Variants in SLC4A4 observed in about 807,000 individuals in gnomAD.
SLC4A4 encodes electrogenic sodium bicarbonate cotransporter 1.
SLC4A4 carries 27 observed loss-of-function variants against 111.5 expected under a neutral mutation model. That is an observed-to-expected ratio of 0.24 (90% confidence interval 0.18 to 0.33). The LOEUF (loss-of-function observed/expected upper bound fraction) is 0.33. SLC4A4 is among the 10% of genes least tolerant of loss of function. The pLI is 1.00. For synonymous variants in SLC4A4, 443 were observed against 463.4 expected, an observed-to-expected ratio of 0.96 and a Z score of 0.57; for missense variants, 909 against 1,315.5, an observed-to-expected ratio of 0.69 and a Z score of 4.78.
intron 2 of SLC4A4, among the ~76,000 whole-genome samples, chr4:71,149,776 A>T (rs986422577): frequency 3.3e-5 from 5 of 152,140 alleles, no homozygotes; most frequent in Non-Finnish European, 7.3e-5. Context: ...ACTGTTTACT[A>T]ATGGCTTTTC....
chr4:71,122,724 G>A (rs1018557183), intron 2 of SLC4A4, among the ~76,000 whole-genome samples: 8 of 152,128 alleles, frequency 5.3e-5, no homozygotes, highest in Non-Finnish European at 1.2e-4. Context: ...CCACATGCTG[G>A]CCGTAGAGTT....
chr4:71,502,392 G>A (rs1731033073), intron 16 of SLC4A4, among the ~76,000 whole-genome samples: 1 of 151,930 alleles, frequency 6.6e-6, no homozygotes, highest in South Asian at 2.1e-4. Flanking sequence ...GTTTGTTTTT[G>A]TCTTTCTAGC....
At chr4:71,325,239 C>T (rs541014624) in intron 3 of SLC4A4, among the ~76,000 whole-genome samples, 1 of 151,020 alleles carries the variant, frequency 6.6e-6, no homozygotes, top group African/African-American at 2.4e-5. Context: ...AACTTGGATT[C>T]CATTAAAAAA....
intron 3 of SLC4A4, among the ~76,000 whole-genome samples, chr4:71,256,864 G>T (rs1721492518): frequency 6.6e-6 from 1 of 152,138 alleles, no homozygotes; most frequent in Admixed American, 6.5e-5. Context: ...GCATGTGATT[G>T]TCTACTCTCT....
chr4:71,350,596 C>T (rs566172069), intron 5 of SLC4A4, among the ~76,000 whole-genome samples: 1 of 152,234 alleles, frequency 6.6e-6, no homozygotes, highest in South Asian at 2.1e-4. Context: ...AACTAACAAG[C>T]TCTCCGAAAA....
chr4:71,144,262 T>A (rs1334849666), intron 2 of SLC4A4, among the ~76,000 whole-genome samples: 1 of 152,228 alleles, frequency 6.6e-6, no homozygotes, highest in Non-Finnish European at 1.5e-5. Flanking sequence ...GTTGTAGATA[T>A]GCGGCATTAT....
intron 1 of SLC4A4, among the ~76,000 whole-genome samples, chr4:71,206,879 A>G (rs111381711): frequency 0.014 from 2,080 of 152,032 alleles, 47 homozygotes; most frequent in African/African-American, 0.047. Flanking sequence ...CATTTCCTCT[A>G]CTATAATCAT....
chr4:71,566,814 G>A (rs1003415989), intron 24 of SLC4A4, among the ~76,000 whole-genome samples, 190 bp from the exon 25 acceptor site: 6 of 151,592 alleles, frequency 4.0e-5, no homozygotes, highest in African/African-American at 1.5e-4. Flanking sequence ...AAAACCTAAA[G>A]TAAAAGAGAT....
intron 3 of SLC4A4, among the ~76,000 whole-genome samples, chr4:71,310,823 C>T (rs577577784): frequency 1.3e-5 from 2 of 152,334 alleles, no homozygotes; most frequent in Non-Finnish European, 2.9e-5. Context: ...ATCAAATTCA[C>T]ACATAACAAT....
At chr4:71,499,038 G>A (rs1730669781) in intron 16 of SLC4A4, among the ~76,000 whole-genome samples, 1 of 151,964 alleles carries the variant, frequency 6.6e-6, no homozygotes, top group East Asian at 1.9e-4. Flanking sequence ...TGGGTTTTGT[G>A]TAGAACAGAT....
At position 71,131,182 on chromosome 4, in the gene SLC4A4, G is replaced by GT. The variant is rs558197303; in HGVS notation, c.-2+38393dup. 1.3e-3 allele frequency among the ~76,000 whole-genome samples: 194 copies of GT among 152,264 alleles called. 1 individual carries two copies. Among genetic ancestry groups the GT allele is most frequent in the African/African-American group, 4.5e-3 (189 of 41,560 alleles). On this transcript the variant is annotated intron_variant, in intron 2 of 26. Transcript: ENST00000649996. ...GGATCTGTCTGTCCATCTCATACTA[G>GT]TTTGGCATCTCTGTAGAAAGAAAAA...
At chr4:71,480,460 A>G (rs1728774648) in intron 14 of SLC4A4, among the ~76,000 whole-genome samples, 1 of 151,404 alleles carries the variant, frequency 6.6e-6, no homozygotes, top group Non-Finnish European at 1.5e-5. Context: ...CCTAGAAGCT[A>G]CTTCTCTCAG....
At chr4:71,129,006 A>G (rs1446254095) in intron 2 of SLC4A4, among the ~76,000 whole-genome samples, 1 of 152,200 alleles carries the variant, frequency 6.6e-6, no homozygotes, top group African/African-American at 2.4e-5. Flanking sequence ...AAAACTATAA[A>G]AACCGTGGAA....
intron 3 of SLC4A4, among the ~76,000 whole-genome samples, chr4:71,306,213 C>T (rs1177280521): frequency 5.3e-5 from 8 of 152,094 alleles, no homozygotes; most frequent in African/African-American, 1.4e-4. Context: ...GTTTCAGTTT[C>T]TGTCTTTGCT....
intron 7 of SLC4A4, among the ~76,000 whole-genome samples, chr4:71,417,039 A>G (rs1721889599): frequency 6.6e-6 from 1 of 152,174 alleles, no homozygotes; most frequent in Non-Finnish European, 1.5e-5. Flanking sequence ...GAGCACCGTT[A>G]GTGGAGCTAT....
intron 3 of SLC4A4, among the ~76,000 whole-genome samples, chr4:71,291,403 G>C (rs1724336597): frequency 6.6e-6 from 1 of 151,924 alleles, no homozygotes. Context: ...CATAACTGTG[G>C]CCATTAAAAT....
At chr4:71,521,703 G>A (rs994449417) in intron 16 of SLC4A4, among the ~76,000 whole-genome samples, 1 of 152,148 alleles carries the variant, frequency 6.6e-6, no homozygotes, top group African/African-American at 2.4e-5. Context: ...AGTGAGACTG[G>A]GGAGCCCATA....
At chr4:71,219,672 A>T (rs1718627892) in intron 1 of SLC4A4, among the ~76,000 whole-genome samples, 1 of 152,218 alleles carries the variant, frequency 6.6e-6, no homozygotes, top group Non-Finnish European at 1.5e-5. Flanking sequence ...CCTTCTGAAA[A>T]GGATTTACCA....
chr4:71,179,058 A>C (rs1282727749), intron 2 of SLC4A4, among the ~76,000 whole-genome samples: 1 of 152,246 alleles, frequency 6.6e-6, no homozygotes, highest in East Asian at 1.9e-4. Flanking sequence ...ACATATGCAA[A>C]TCAATAAACA....
Sources: gnomAD v4.1 joint callset for allele counts (sites outside exome capture counted in the v4.1 genomes callset) on GRCh38, gnomAD v4.1.1 for gene constraint, MANE v1.5 for transcripts, NCBI Gene and HGNC (gene_info 2026-07-23, HGNC 2026-07-21) for gene names.